Variants in RBFOX1 observed in about 807,000 individuals in gnomAD.
The protein encoded by RBFOX1 is RNA binding protein fox-1 homolog 1.
In RBFOX1, 8 loss-of-function variants were observed where a neutral mutation model predicts 57.7. The ratio of observed to expected loss-of-function variants is 0.14; its 90% CI spans 0.08 to 0.25. The LOEUF is 0.25. Among genes scored for constraint, RBFOX1 ranks in the 10% least tolerant of loss-of-function variants. The pLI is 1.00. For missense variants in RBFOX1, 611 were observed against 548.5 expected (o/e 1.11, Z -1.14); for synonymous variants, 326 against 222.4 (o/e 1.47, Z -4.15).
intron 2 of RBFOX1, among the ~76,000 whole-genome samples, chr16:6,550,364 A>T (rs541063334): frequency 6.6e-6 from 1 of 152,148 alleles, no homozygotes; most frequent in East Asian, 1.9e-4. Context: ...TTCATTACAG[A>T]CAAGCCTTCA....
downstream of RBFOX1, chr16:5,601,679 C>G (rs1157059614): frequency 6.6e-6 from 1 of 152,128 alleles, no homozygotes; most frequent in Non-Finnish European, 1.5e-5. Flanking sequence ...GGAAAGAAAA[C>G]AAAGATACTA....
intron 5 of RBFOX1, among the ~76,000 whole-genome samples, chr16:7,520,675 C>A (rs937187248): frequency 2.6e-5 from 4 of 152,150 alleles, no homozygotes; most frequent in Non-Finnish European, 5.9e-5. Context: ...AGGCATGGGC[C>A]TTTTAAATGA....
At chr16:7,668,174 C>T (rs1425607950) in intron 13 of RBFOX1, among the ~76,000 whole-genome samples, 1 of 152,160 alleles carries the variant, frequency 6.6e-6, no homozygotes, top group Non-Finnish European at 1.5e-5. Flanking sequence ...TCTCCCCTCC[C>T]CCGTCCTTTG....
chr16:7,468,611 C>A (rs144252794), intron 4 of RBFOX1, among the ~76,000 whole-genome samples: 2 of 152,162 alleles, frequency 1.3e-5, no homozygotes, highest in East Asian at 3.9e-4. Flanking sequence ...CCAGAATGAG[C>A]CTTTTAGGAA....
intron 4 of RBFOX1, among the ~76,000 whole-genome samples, chr16:7,096,642 G>A (rs531941525): frequency 1.3e-5 from 2 of 152,038 alleles, no homozygotes; most frequent in Admixed American, 6.6e-5. Flanking sequence ...CCAGTAAAAC[G>A]GGGACTGAGT....
chr16:5,504,944 T>G (rs1279363604), intron 2 of RBFOX1, among the ~76,000 whole-genome samples: 1 of 152,136 alleles, frequency 6.6e-6, no homozygotes, highest in Non-Finnish European at 1.5e-5. Context: ...GAATCAGTGG[T>G]TGTCCTAGGG....
intron 2 of RBFOX1, among the ~76,000 whole-genome samples, chr16:5,493,852 G>C (rs2042914135): frequency 6.6e-6 from 1 of 152,186 alleles, no homozygotes; most frequent in Non-Finnish European, 1.5e-5. Flanking sequence ...GAGGGAAGGT[G>C]TTTCTGCAAC....
intron 3 of RBFOX1, among the ~76,000 whole-genome samples, chr16:5,830,392 G>C (rs74334600): frequency 7.2e-6 from 1 of 139,380 alleles, no homozygotes; most frequent in Admixed American, 7.1e-5. Context: ...TTTTTTTTTT[G>C]TTCTTTCTGT....
In RBFOX1 at chr16:6,361,694, C is replaced by G. The variant is rs1178867776; in HGVS notation, c.-64+44637C>G. Reference sequence around the variant, plus strand: ...TGGCTAATTAGTGTTACCTGGAGAGCTTTACAAACCCCCTACCTTATCTTT... The same window carrying G: ...TGGCTAATTAGTGTTACCTGGAGAGGTTTACAAACCCCCTACCTTATCTTT... On this transcript the variant is annotated intron_variant, in intron 2 of 15. Coordinates refer to ENST00000550418, the MANE Select transcript of RBFOX1 (RefSeq NM_018723.4). Among the ~76,000 whole-genome samples the G allele has an allele frequency of 2.0e-5, 3 of 151,536 alleles. No individual in the cohort carries two copies. In the East Asian group the frequency reaches 5.8e-4, roughly 29 times the overall value.
chr16:7,622,509 CAAT>C (rs2059461315), intron 10 of RBFOX1, among the ~76,000 whole-genome samples: 2 of 152,116 alleles, frequency 1.3e-5, no homozygotes, highest in South Asian at 4.1e-4. Flanking sequence ...AATTTTCAAA[CAAT>C]AAATAGTCAA....
intron 3 of RBFOX1, among the ~76,000 whole-genome samples, chr16:6,727,447 CG>C (rs1159672852): frequency 6.6e-5 from 10 of 151,846 alleles, no homozygotes; most frequent in African/African-American, 2.4e-4. Context: ...CATATTCCCC[CG>C]CTGCTTCCAC....
chr16:6,454,487 G>A (rs1404921680), intron 2 of RBFOX1, among the ~76,000 whole-genome samples: 4 of 152,136 alleles, frequency 2.6e-5, no homozygotes, highest in African/African-American at 9.7e-5. Context: ...AGCCTGGGGA[G>A]ATCAAGACTG....
intron 2 of RBFOX1, among the ~76,000 whole-genome samples, chr16:5,509,223 A>G (rs1282400497): frequency 4.6e-5 from 7 of 152,232 alleles, no homozygotes; most frequent in Non-Finnish European, 1.0e-4. Context: ...AAGTGTTGGG[A>G]TATGACTGAG....
intron 1 of RBFOX1, among the ~76,000 whole-genome samples, chr16:6,212,931 C>G (rs763585254): frequency 6.6e-6 from 1 of 152,092 alleles, no homozygotes; most frequent in Admixed American, 6.5e-5. Context: ...TTAGAATAGT[C>G]GTTTTACATA....
intron 1 of RBFOX1, among the ~76,000 whole-genome samples, chr16:6,270,063 T>TA (rs35061198): frequency 3.3e-5 from 5 of 151,964 alleles, no homozygotes; most frequent in Non-Finnish European, 5.9e-5. Flanking sequence ...AGATAACTGC[T>TA]AAAAAAATCT....
chr16:6,996,555 C>G (rs1266824029), intron 3 of RBFOX1, among the ~76,000 whole-genome samples: 1 of 152,100 alleles, frequency 6.6e-6, no homozygotes, highest in African/African-American at 2.4e-5. Flanking sequence ...TAAGTGCTTT[C>G]CAAATATTTA....
intron 3 of RBFOX1, among the ~76,000 whole-genome samples, chr16:6,725,343 G>A (rs778375064): frequency 1.8e-4 from 27 of 152,114 alleles, no homozygotes; most frequent in Non-Finnish European, 3.5e-4. Flanking sequence ...GAGCCACCGC[G>A]CCCGGCCGGT....
intron 4 of RBFOX1, among the ~76,000 whole-genome samples, chr16:7,161,185 G>C (rs563184045): frequency 1.7e-4 from 26 of 152,256 alleles, no homozygotes; most frequent in African/African-American, 6.3e-4. Flanking sequence ...GTGGCTATCT[G>C]CAGCAGGACT....
chr16:6,276,406 C>T (rs1365097905), intron 1 of RBFOX1, among the ~76,000 whole-genome samples: 3 of 152,166 alleles, frequency 2.0e-5, no homozygotes, highest in Non-Finnish European at 2.9e-5. Flanking sequence ...ACGATCTTGG[C>T]TCACTACCAC....
Sources: allele counts gnomAD v4.1 joint callset (sites outside exome capture counted in the v4.1 genomes callset), GRCh38; gene constraint gnomAD v4.1.1; transcripts MANE v1.5; gene names NCBI Gene and HGNC (gene_info 2026-07-23, HGNC 2026-07-21).